Variants in SLTM observed in about 807,000 individuals in gnomAD.
The protein encoded by SLTM is SAFB-like transcription modulator.
SLTM carries 43 observed loss-of-function variants against 134.6 expected under a neutral mutation model. The ratio of observed to expected loss-of-function variants is 0.32; its 90% CI spans 0.25 to 0.41. SLTM has a LOEUF of 0.41. Ranked by LOEUF, SLTM falls within the 10% of genes least tolerant of loss-of-function variation. SLTM has a pLI of 1.00. For synonymous variants in SLTM, 424 were observed against 432.3 expected (o/e 0.98, Z 0.24); for missense variants, 1,055 against 1,288.8 (o/e 0.82, Z 2.78).
chr15:58,903,138 G>C (rs1287731614), intron 5 of SLTM, among the ~76,000 whole-genome samples: 1 of 151,900 alleles, frequency 6.6e-6, no homozygotes, highest in Non-Finnish European at 1.5e-5. Context: ...CTGACCTCGT[G>C]ATCCACCCGC....
At chr15:58,930,425 C>G (rs1252006594) in intron 2 of SLTM, among the ~76,000 whole-genome samples, 1 of 151,914 alleles carries the variant, frequency 6.6e-6, no homozygotes, top group Non-Finnish European at 1.5e-5. Flanking sequence ...CCACTGCACC[C>G]GGCCCCCAAA....
chr15:58,887,169 T>C, intron 18 of SLTM, 50 bp from the exon 19 acceptor site: 2 of 1,611,902 alleles, frequency 1.2e-6, no homozygotes, highest in Non-Finnish European at 1.7e-6. Context: ...TAATCTTAAC[T>C]TTTTTTAACC....
At chr15:58,924,334 T>C (rs2037311680) in intron 2 of SLTM, among the ~76,000 whole-genome samples, 1 of 152,178 alleles carries the variant, frequency 6.6e-6, no homozygotes, top group African/African-American at 2.4e-5. Context: ...AAAACGTATA[T>C]ACCAGAGAAA....
chr15:58,925,574 G>A (rs990301514), intron 2 of SLTM, among the ~76,000 whole-genome samples: 29 of 152,156 alleles, frequency 1.9e-4, no homozygotes, highest in African/African-American at 6.5e-4. Flanking sequence ...CTGACCTCAA[G>A]TGATCCACCC....
chr15:58,908,227 A>C (rs1382306991), intron 5 of SLTM, among the ~76,000 whole-genome samples: 1 of 151,286 alleles, frequency 6.6e-6, no homozygotes, highest in East Asian at 1.9e-4. Context: ...CACCCAGCTA[A>C]CTTTTGTATT....
intron 2 of SLTM, among the ~76,000 whole-genome samples, chr15:58,931,786 C>G (rs1362170371): frequency 1.3e-5 from 2 of 152,068 alleles, no homozygotes; most frequent in African/African-American, 4.8e-5. Context: ...CTTTAACATC[C>G]CTATAATTTA....
At chr15:58,900,023 T>A (rs1329385308) in intron 6 of SLTM, 86 bp from the exon 7 acceptor site, 40 of 1,028,074 alleles carry the variant, frequency 3.9e-5, no homozygotes, top group South Asian at 1.7e-4. Flanking sequence ...ACCTAGAAAA[T>A]ATAAAGCCAG....
At chr15:58,918,030 A>C (rs185104473) in intron 2 of SLTM, among the ~76,000 whole-genome samples, 1 of 152,018 alleles carries the variant, frequency 6.6e-6, no homozygotes, top group Non-Finnish European at 1.5e-5. Flanking sequence ...CTAGGATTAC[A>C]GGCACTGAGC....
chr15:58,889,554 C>G lies in SLTM; in HGVS notation c.2080G>C (p.Glu694Gln). Residue 694 changes from glutamate (E) to glutamine (Q), a missense_variant and splice_region_variant, in exon 16 of 21, where the codon GAA becomes CAA. Glu to Gln is a conservative substitution (Grantham distance 29). This residue lies in a region of SLTM where 776 missense variants were observed against 962.2 expected (regional missense o/e 0.81). Coordinates refer to ENST00000380516, the MANE Select transcript of SLTM (RefSeq NM_024755.4). ...ATCCGTTCAGCTTCCTTACGACGTT[C>G]CTTCAGACAACACAGAATGAAGAAC... The part of the protein sequence containing the change: ...LERERIRIEQ[E>Q]RRKEAERIAR... 6.2e-7 allele frequency: 1 copy of G among 1,613,846 alleles called. No homozygotes were observed. Among genetic ancestry groups the G allele is most frequent in the Non-Finnish European group, 8.5e-7 (1 of 1,179,818 alleles).
In SLTM at chr15:58,899,448, A is replaced by C; in HGVS notation, c.1058+21T>G. On this transcript the variant is annotated intron_variant, in intron 7 of 20. Coordinates refer to ENST00000380516, the MANE Select transcript of SLTM (RefSeq NM_024755.4). This position sits in a 1 kb window ranked among gnomAD's most constrained non-coding sequence, Gnocchi z 5.0. ...AATGCTGGAATTCAGTATCGTAAAG[A>C]ACTGACATAGAAAAACAAACCTCTT... 2 of 1,591,970 alleles carry C rather than the reference A, an allele frequency of 1.3e-6. No homozygotes were observed. Among genetic ancestry groups the C allele is most frequent in the Non-Finnish European group, 1.7e-6 (2 of 1,160,734 alleles).
chr15:58,892,422 T>C (rs1400111419), intron 14 of SLTM, among the ~76,000 whole-genome samples: 2 of 152,254 alleles, frequency 1.3e-5, no homozygotes, highest in African/African-American at 2.4e-5. Flanking sequence ...AATAAATTTT[T>C]GCTAAATTTG....
At chr15:58,920,716 G>A (rs566360087) in intron 2 of SLTM, among the ~76,000 whole-genome samples, 1 of 151,826 alleles carries the variant, frequency 6.6e-6, no homozygotes, top group African/African-American at 2.4e-5. Context: ...AACACTTTGG[G>A]AGGCAGAGGT....
At chr15:58,883,837 C>A (rs374718923) in intron 19 of SLTM, 51 bp from the exon 20 acceptor site, 1 of 1,593,904 alleles carries the variant, frequency 6.3e-7, no homozygotes. Context: ...GTGGCTCATA[C>A]CTATAATCTC....
chr15:58,933,581 C>G lies in SLTM; in HGVS notation c.-16G>C. ...CGGCAGCCATCTTAGAAGAGCAGCG[C>G]GCTGCCGAGGCAGCGAGTGGGCTGC... On this transcript the variant is annotated 5_prime_UTR_variant, in exon 1 of 21. Transcript: ENST00000380516. 1 of 1,566,094 alleles carries G rather than the reference C, an allele frequency of 6.4e-7. No homozygotes were observed. The highest frequency in any genetic ancestry group is 2.5e-5 in the East Asian group (1 of 39,608).
At chr15:58,922,551 T>C (rs2037151970) in intron 2 of SLTM, among the ~76,000 whole-genome samples, 1 of 136,834 alleles carries the variant, frequency 7.3e-6, no homozygotes, top group Non-Finnish European at 1.5e-5. Context: ...TTTATATGTA[T>C]ATAATATGTA....
intron 2 of SLTM, chr15:58,921,457 C>A: frequency 4.6e-6 from 1 of 216,726 alleles, no homozygotes; most frequent in Admixed American, 5.3e-5. Flanking sequence ...TGCCCAATGA[C>A]GATGACGCAC....
chr15:58,915,272 AT>A (rs1421819875), intron 3 of SLTM, among the ~76,000 whole-genome samples: 3 of 152,232 alleles, frequency 2.0e-5, no homozygotes, highest in Non-Finnish European at 4.4e-5. Flanking sequence ...GACCAGGTTT[AT>A]TTAATCATAA....
In SLTM at chr15:58,889,240, A is replaced by G. The variant is rs80270329; in HGVS notation, c.2204+190T>C. The G allele has an allele frequency of 4.9e-3, 2,707 of 557,520 alleles. 16 individuals carry two copies. Among genetic ancestry groups the G allele is most frequent in the Non-Finnish European group, 6.8e-3 (2,253 of 330,262 alleles). The allele number at this position is 557,520 out of a possible 1,614,324, so 34.5% of individuals were successfully genotyped here. A position where few individuals can be genotyped will look rare whatever the true frequency, so the allele number is the denominator to read the frequency against. On this transcript the variant is annotated intron_variant, in intron 16 of 20. Transcript: ENST00000380516. ...AACATTTGGCATCAGAAAGGTAGAC[A>G]GGGAAAGAAACACAGACTGTTCCCA...
intron 19 of SLTM, among the ~76,000 whole-genome samples, chr15:58,886,653 TAAAAA>T (rs1347860997): frequency 2.0e-5 from 3 of 152,108 alleles, no homozygotes; most frequent in Admixed American, 6.6e-5. Flanking sequence ...CTCAATTTCT[TAAAAA>T]GAAATAAAAC....
Sources: allele counts gnomAD v4.1 joint callset (sites outside exome capture counted in the v4.1 genomes callset), GRCh38; gene constraint gnomAD v4.1.1; regional missense constraint gnomAD v4.1.1; non-coding constraint Gnocchi (gnomAD v3.1); transcripts MANE v1.5; gene names NCBI Gene and HGNC (gene_info 2026-07-23, HGNC 2026-07-21).